UPF3A: variants seen among roughly 807,000 people sequenced by gnomAD.
The protein encoded by UPF3A is regulator of nonsense transcripts 3A.
UPF3A carries 42 observed loss-of-function variants against 53.5 expected under a neutral mutation model. The observed-to-expected ratio is 0.78, with a 90% CI of 0.61 to 1.01. The LOEUF is 1.01. Among genes scored for constraint, UPF3A ranks in the 50% least tolerant of loss-of-function variants. UPF3A has a pLI of 0.00. For missense variants in UPF3A, 575 were observed against 598.0 expected, an observed-to-expected ratio of 0.96 and a Z score of 0.40; for synonymous variants, 237 against 225.3, an observed-to-expected ratio of 1.05 and a Z score of -0.47.
rs911403674 is a variant in UPF3A at position 114,281,711 on chromosome 13, G to A, written c.72G>A (p.Glu24=). The part of the protein sequence containing the change: ...AVAARGPSGR[E]KLSALEVQFH... ...CCGCGCGGGGCCCGAGCGGGAGGGA[G>A]AAGCTGTCGGCCCTAGAAGTGCAGT... The change falls in exon 1 of 10, where the codon GAG becomes GAA. Residue 24 remains glutamate, a synonymous_variant. Transcript: ENST00000375299. 3.2e-6 allele frequency: 5 copies of A among 1,550,116 alleles called. No homozygotes were observed. Among genetic ancestry groups the A allele is most frequent in the Middle Eastern group, 1.7e-4 (1 of 5,794 alleles).
intron 5 of UPF3A, chr13:114,286,850 T>A (rs2084743010): frequency 9.3e-6 from 5 of 539,744 alleles, no homozygotes; most frequent in Non-Finnish European, 1.7e-5. Flanking sequence ...TTTTTTTAGT[T>A]AAGATCATTT....
At chr13:114,304,109 C>T (rs892101014) in intron 9 of UPF3A, among the ~76,000 whole-genome samples, 6 of 152,198 alleles carry the variant, frequency 3.9e-5, no homozygotes, top group Non-Finnish European at 8.8e-5. Flanking sequence ...GCGGGAGGCG[C>T]GTGGAGCAGG....
intron 8 of UPF3A, among the ~76,000 whole-genome samples, chr13:114,301,320 G>A (rs370084522): frequency 6.6e-6 from 1 of 151,812 alleles, no homozygotes; most frequent in East Asian, 1.9e-4. Context: ...AAAATTAGCC[G>A]GGCGTGGTCG....
intron 7 of UPF3A, among the ~76,000 whole-genome samples, chr13:114,298,635 A>G (rs1028768613): frequency 6.6e-6 from 1 of 152,212 alleles, no homozygotes; most frequent in Non-Finnish European, 1.5e-5. Context: ...AACCTACCTT[A>G]CTTTTCATGA....
chr13:114,283,451 A>G (rs1465271558), intron 3 of UPF3A: 1 of 152,414 alleles, frequency 6.6e-6, no homozygotes, highest in African/African-American at 2.4e-5. Context: ...AAAAAATTCC[A>G]GAAATTCTGT....
chr13:114,294,439 A>G (rs574425329), intron 7 of UPF3A, among the ~76,000 whole-genome samples: 2 of 151,994 alleles, frequency 1.3e-5, no homozygotes, highest in East Asian at 3.9e-4. Flanking sequence ...TTTAAAAAAA[A>G]ATTTGTAGAA....
At chr13:114,299,189 C>G (rs979734641) in intron 8 of UPF3A, among the ~76,000 whole-genome samples, 189 bp downstream of exon 8, 6 of 152,350 alleles carry the variant, frequency 3.9e-5, no homozygotes, top group Non-Finnish European at 5.9e-5. Flanking sequence ...TCTGCAGTCT[C>G]AAGTCTGTCT....
intron 9 of UPF3A, among the ~76,000 whole-genome samples, chr13:114,303,422 G>A (rs1157238132): frequency 6.6e-6 from 1 of 152,140 alleles, no homozygotes; most frequent in Non-Finnish European, 1.5e-5. Flanking sequence ...CGGGAGCCTG[G>A]CATTTGTCAT....
chr13:114,288,393 GAA>G (rs1413597911), intron 5 of UPF3A, among the ~76,000 whole-genome samples: 2 of 152,236 alleles, frequency 1.3e-5, no homozygotes, highest in Non-Finnish European at 2.9e-5. Flanking sequence ...CTGCGGGAGG[GAA>G]AGAGGTCAGG....
rs762669364 is a variant in UPF3A, at chr13:114,304,881, G to A, written c.1395G>A (p.Ser465=). 7.4e-6 allele frequency: 12 copies of A among 1,613,566 alleles called. No individual in the cohort carries two copies. Among genetic ancestry groups the A allele is most frequent in the South Asian group, 1.1e-5 (1 of 91,046 alleles). Reference sequence around the variant, plus strand: ...GGAGGATCTGCAAGGCAGAAGGTTCGGGGACTGGTCCTGAGAAGAGGGAAG... The same window carrying A: ...GGAGGATCTGCAAGGCAGAAGGTTCAGGGACTGGTCCTGAGAAGAGGGAAG... ...GNRRICKAEG[S]GTGPEKREEA... The change falls in exon 10 of 10, where the codon TCG becomes TCA. Residue 465 remains serine (S), a synonymous_variant. Coordinates refer to ENST00000375299, the MANE Select transcript of UPF3A (RefSeq NM_023011.4).
At position 114,282,831 on chromosome 13, in the gene UPF3A, T is replaced by C. The variant is rs1439638102; in HGVS notation, c.315-6T>C. 1 of 1,600,822 alleles carries C rather than the reference T, an allele frequency of 6.2e-7. No individual in the cohort carries two copies. The highest frequency in any genetic ancestry group is 8.5e-7 in the Non-Finnish European group (1 of 1,171,482). On this transcript the variant is annotated splice_region_variant and splice_polypyrimidine_tract_variant and intron_variant, in intron 2 of 9. Transcript: ENST00000375299. Reference sequence around the variant, plus strand: ...TGACCATTTTCACTGTTATCTCTTATTTCAGTCTTTATCCTCATCTCTACT... The same window carrying C: ...TGACCATTTTCACTGTTATCTCTTACTTCAGTCTTTATCCTCATCTCTACT...
At chr13:114,299,698 C>CT (rs1244924184) in intron 8 of UPF3A, among the ~76,000 whole-genome samples, 2 of 152,240 alleles carry the variant, frequency 1.3e-5, no homozygotes. Flanking sequence ...AGGAGGGATC[C>CT]TGTCCCTCTT....
intron 8 of UPF3A, 26 bp downstream of exon 8, chr13:114,299,026 C>G (rs768861518): frequency 1.3e-6 from 2 of 1,559,002 alleles, no homozygotes; most frequent in Non-Finnish European, 1.7e-6. Flanking sequence ...TTGTTATGAC[C>G]ACGTCAGCTC....
At chr13:114,301,612 G>T (rs1013586674) in intron 8 of UPF3A, 119 bp from the exon 9 acceptor site, 1 of 917,618 alleles carries the variant, frequency 1.1e-6, no homozygotes, top group Non-Finnish European at 1.7e-6. Flanking sequence ...AGCCTCAGCA[G>T]TGCAGCGCTG....
At chr13:114,281,998 G>C (rs1473729814) in intron 1 of UPF3A, 23 bp from the exon 2 acceptor site, 7 of 1,539,702 alleles carry the variant, frequency 4.5e-6, no homozygotes, top group Non-Finnish European at 6.1e-6. Context: ...GCCCCGGTGG[G>C]AACGGCCGCG....
In UPF3A at chr13:114,291,542, C is replaced by T; in HGVS notation, c.685C>T (p.Gln229Ter). The part of the protein sequence containing the change: ...EYIKNRKLEK[Q>*]RIREEKREER... ...TATTAAAAATAGAAAATTAGAAAAGCAGGTAGGTCTGGCCTTTACCTGATG... is the reference window on the plus strand; with the variant it reads ...TATTAAAAATAGAAAATTAGAAAAGTAGGTAGGTCTGGCCTTTACCTGATG... Residue 229 changes from glutamine (Q) to a stop codon, truncating the protein, a stop_gained and splice_region_variant, in exon 6 of 10, where the codon CAG becomes TAG. Coordinates refer to ENST00000375299, the MANE Select transcript of UPF3A (RefSeq NM_023011.4). LOFTEE classifies it high-confidence loss of function. 1 of 1,609,446 alleles carries T rather than the reference C, an allele frequency of 6.2e-7. No individual in the cohort carries two copies. The highest frequency in any genetic ancestry group is 8.5e-7 in the Non-Finnish European group (1 of 1,178,860).
chr13:114,290,500 C>G (rs765714051), intron 5 of UPF3A, among the ~76,000 whole-genome samples: 1 of 152,078 alleles, frequency 6.6e-6, no homozygotes, highest in Non-Finnish European at 1.5e-5. Context: ...CATTTGTGTC[C>G]TTGTGTTGGT....
chr13:114,299,798 C>G (rs906803639), intron 8 of UPF3A, among the ~76,000 whole-genome samples: 1 of 152,260 alleles, frequency 6.6e-6, no homozygotes, highest in Non-Finnish European at 1.5e-5. Flanking sequence ...TCTCGCCACC[C>G]ACAGTCTCCT....
intron 7 of UPF3A, among the ~76,000 whole-genome samples, chr13:114,294,740 G>A (rs1397172095): frequency 6.6e-6 from 1 of 151,884 alleles, no homozygotes; most frequent in African/African-American, 2.4e-5. Context: ...CAGGAGAATC[G>A]CTTGAACCTG....
Sources: gnomAD v4.1 joint callset for allele counts (sites outside exome capture counted in the v4.1 genomes callset) on GRCh38, gnomAD v4.1.1 for gene constraint, MANE v1.5 for transcripts, NCBI Gene and HGNC (gene_info 2026-07-23, HGNC 2026-07-21) for gene names.